Variants in COLEC12 observed in about 807,000 individuals in gnomAD.
The protein encoded by COLEC12 is collectin-12.
A neutral mutation model predicts 71.1 loss-of-function variants in COLEC12; 33 were observed. That is an observed-to-expected ratio of 0.46 (90% CI 0.35 to 0.62). COLEC12 has a LOEUF of 0.62. Among genes scored for constraint, COLEC12 ranks in the 20% least tolerant of loss-of-function variants. COLEC12 has a pLI of 0.00. For missense variants in COLEC12, 765 were observed against 916.1 expected (o/e 0.84, Z 2.13); for synonymous variants, 350 against 353.0 (o/e 0.99, Z 0.10).
At chr18:403,242 T>C (rs1009032362) in intron 2 of COLEC12, among the ~76,000 whole-genome samples, 1 of 152,234 alleles carries the variant, frequency 6.6e-6, no homozygotes, top group Non-Finnish European at 1.5e-5. Context: ...ACAAATTGTA[T>C]AGAGTTCTTA....
chr18:330,873 G>GTTTTTTTTTTT (rs60146586), intron 8 of COLEC12, among the ~76,000 whole-genome samples: 1 of 133,764 alleles, frequency 7.5e-6, no homozygotes, highest in Non-Finnish European at 1.5e-5. Flanking sequence ...CACATTTGTA[G>GTTTTTTTTTTT]TTTTTTTTTT....
intron 2 of COLEC12, among the ~76,000 whole-genome samples, chr18:446,879 G>A (rs1916664884): frequency 6.6e-6 from 1 of 151,998 alleles, no homozygotes; most frequent in Non-Finnish European, 1.5e-5. Flanking sequence ...GAATTTAAAG[G>A]TCCTGAGGCA....
At chr18:367,269 A>G (rs1375317151) in intron 2 of COLEC12, among the ~76,000 whole-genome samples, 1 of 152,196 alleles carries the variant, frequency 6.6e-6, no homozygotes, top group Non-Finnish European at 1.5e-5. Flanking sequence ...GCTGTTTGTC[A>G]ACGACACAGT....
At chr18:462,914 A>G (rs1261919136) in intron 2 of COLEC12, among the ~76,000 whole-genome samples, 2 of 152,208 alleles carry the variant, frequency 1.3e-5, no homozygotes, top group Non-Finnish European at 2.9e-5. Flanking sequence ...CCCCAGTTTA[A>G]TTTCTCCCCA....
Position 319,327 on chromosome 18 carries a change from A to ATATATATATATATAT in COLEC12, c.*717_*718insATATATATATATATA. On this transcript the variant is annotated 3_prime_UTR_variant, in exon 10 of 10. Coordinates refer to ENST00000400256, the MANE Select transcript of COLEC12 (RefSeq NM_130386.3). ...CTCTGAGGAAATGAAACATTAAAAA[A>ATATATATATATATAT]AAAAAAAAAAAAAAATATATATATA... The ATATATATATATATAT allele has an allele frequency of 2.5e-4, 1 of 3,990 alleles. No individual in the cohort carries two copies. The highest frequency in any genetic ancestry group is 9.6e-3 in the South Asian group (1 of 104). The allele number at this position is 3,990 out of a possible 1,614,324, so 0.2% of individuals were successfully genotyped here.
intron 2 of COLEC12, among the ~76,000 whole-genome samples, chr18:470,460 CCTGACCTCAAGTGA>C (rs1567918005): frequency 6.6e-6 from 1 of 151,728 alleles, no homozygotes; most frequent in East Asian, 1.9e-4. Flanking sequence ...GTCTCAAACT[CCTGACCTCAAGTGA>C]TGCACTCCCT....
chr18:418,933 C>T (rs1916041560), intron 2 of COLEC12, among the ~76,000 whole-genome samples: 2 of 152,130 alleles, frequency 1.3e-5, no homozygotes, highest in South Asian at 2.1e-4. Context: ...CTTTCTTGTG[C>T]GAGATCCAAG....
chr18:447,633 C>T (rs7229396), intron 2 of COLEC12, among the ~76,000 whole-genome samples: 22,803 of 152,118 alleles, frequency 0.15, 1,871 homozygotes, highest in Middle Eastern at 0.21. Context: ...CTGTAAAAAG[C>T]GGGATAGGAT....
At chr18:379,737 G>C (rs906695996) in intron 2 of COLEC12, among the ~76,000 whole-genome samples, 10 of 152,152 alleles carry the variant, frequency 6.6e-5, no homozygotes, top group African/African-American at 2.2e-4. Flanking sequence ...TGATGGTTCG[G>C]TCGAGAAAGC....
rs943958130 is a variant in COLEC12 at position 452,810 on chromosome 18, C to T, written c.58+27897G>A. Among the ~76,000 whole-genome samples the T allele has an allele frequency of 3.9e-5, 6 of 152,186 alleles. No individual in the cohort carries two copies. In the East Asian group the frequency reaches 1.2e-3, roughly 29 times the overall value. On this transcript the variant is annotated intron_variant, in intron 2 of 9. Coordinates refer to ENST00000400256, the MANE Select transcript of COLEC12 (RefSeq NM_130386.3). The stretch of plus-strand genomic sequence containing the variant: ...AGAACTTCACATCTGTTCTTCCTGC[C>T]ACACAAGTGCCTATGAGCTTTGGCC...
At chr18:440,974 C>CGTG (rs1423224496) in intron 2 of COLEC12, among the ~76,000 whole-genome samples, 3 of 152,108 alleles carry the variant, frequency 2.0e-5, no homozygotes, top group Non-Finnish European at 4.4e-5. Flanking sequence ...GCAGGCCGGG[C>CGTG]GTGGTGGCTC....
intron 2 of COLEC12, among the ~76,000 whole-genome samples, chr18:374,783 A>G (rs1276735438): frequency 2.0e-5 from 3 of 152,142 alleles, no homozygotes; most frequent in Non-Finnish European, 2.9e-5. Context: ...ACTGGCCCCA[A>G]TAACTAACTC....
At chr18:377,788 C>CCAAGAAAGACAGGGCCTG (rs1915145276) in intron 2 of COLEC12, among the ~76,000 whole-genome samples, 1 of 151,946 alleles carries the variant, frequency 6.6e-6, no homozygotes, top group Non-Finnish European at 1.5e-5. Flanking sequence ...GATGAGCGGC[C>CCAAGAAAGACAGGGCCTG]CAAGAAAGAC....
chr18:392,044 C>T (rs1343986659), intron 2 of COLEC12, among the ~76,000 whole-genome samples: 2 of 152,236 alleles, frequency 1.3e-5, no homozygotes, highest in Non-Finnish European at 2.9e-5. Context: ...ATTGTCTCTA[C>T]TAGCCAGTGT....
intron 2 of COLEC12, among the ~76,000 whole-genome samples, chr18:409,092 T>C (rs538277059): frequency 1.0e-3 from 153 of 149,940 alleles, no homozygotes; most frequent in Admixed American, 1.5e-3. Flanking sequence ...TGCCTCAGCC[T>C]CCCAAAGTGC....
chr18:367,920 C>G (rs1239171256), intron 2 of COLEC12, among the ~76,000 whole-genome samples: 1 of 152,128 alleles, frequency 6.6e-6, no homozygotes, highest in South Asian at 2.1e-4. Context: ...GAGATGCTGT[C>G]TCTACCAAAA....
At chr18:386,892 C>T (rs533310318) in intron 2 of COLEC12, among the ~76,000 whole-genome samples, 2 of 152,208 alleles carry the variant, frequency 1.3e-5, no homozygotes, top group Admixed American at 1.3e-4. Context: ...GCACACATAG[C>T]TTCTGAAGAG....
intron 2 of COLEC12, among the ~76,000 whole-genome samples, chr18:372,954 G>T (rs1915033014): frequency 6.6e-6 from 1 of 152,164 alleles, no homozygotes; most frequent in Admixed American, 6.5e-5. Context: ...AGAGACTACA[G>T]CTCTGTGGCA....
intron 8 of COLEC12, among the ~76,000 whole-genome samples, chr18:322,771 G>A (rs1037773275): frequency 2.0e-5 from 3 of 152,066 alleles, no homozygotes; most frequent in Non-Finnish European, 2.9e-5. Context: ...GGGTGTCCTC[G>A]GGTCACCCGA....
Sources: allele counts gnomAD v4.1 joint callset (sites outside exome capture counted in the v4.1 genomes callset), GRCh38; gene constraint gnomAD v4.1.1; transcripts MANE v1.5; gene names NCBI Gene and HGNC (gene_info 2026-07-23, HGNC 2026-07-21).